MAPK10: variants seen among roughly 807,000 people sequenced by gnomAD.
MAPK10 encodes mitogen-activated protein kinase 10.
In MAPK10, 25 loss-of-function variants were observed where a neutral mutation model predicts 59.3. The observed-to-expected ratio is 0.42, with a 90% CI of 0.31 to 0.59. The LOEUF is 0.59. Among genes scored for constraint, MAPK10 ranks in the 20% least tolerant of loss-of-function variants. The pLI, the probability that MAPK10 is intolerant of heterozygous loss-of-function variation, is 0.15. For synonymous variants in MAPK10, 190 were observed against 200.5 expected, an observed-to-expected ratio of 0.95 and a Z score of 0.44; for missense variants, 351 against 568.9, an observed-to-expected ratio of 0.62 and a Z score of 3.90.
chr4:86,415,011 TCCTGTAC>T (rs1745679842), intron 1 of MAPK10, among the ~76,000 whole-genome samples: 1 of 151,784 alleles, frequency 6.6e-6, no homozygotes, highest in African/African-American at 2.4e-5. Flanking sequence ...TGTGGCATAT[TCCTGTAC>T]CCCCAGCTAC....
At chr4:86,073,331 T>A (rs1204227057) in intron 9 of MAPK10, among the ~76,000 whole-genome samples, 3 of 151,816 alleles carry the variant, frequency 2.0e-5, no homozygotes, top group African/African-American at 7.2e-5. Context: ...TTGTTGATCC[T>A]TTCAAAAAAC....
intron 9 of MAPK10, among the ~76,000 whole-genome samples, chr4:86,086,789 T>C (rs2051975827): frequency 6.6e-6 from 1 of 152,156 alleles, no homozygotes; most frequent in African/African-American, 2.4e-5. Context: ...AATAACAGAA[T>C]TTTTTAAATC....
intron 11 of MAPK10, among the ~76,000 whole-genome samples, chr4:86,052,506 C>A (rs375749642): frequency 1.1e-4 from 16 of 151,904 alleles, no homozygotes; most frequent in African/African-American, 3.9e-4. Flanking sequence ...TTTCAAAAGC[C>A]CCCAGAAGTT....
At chr4:86,111,316 G>A (rs1423098344) in intron 4 of MAPK10, among the ~76,000 whole-genome samples, 2 of 152,136 alleles carry the variant, frequency 1.3e-5, no homozygotes, top group African/African-American at 4.8e-5. Context: ...GTTTTCAGGG[G>A]GAGTGCTTCC....
At chr4:86,134,725 C>A (rs1013257852) in intron 4 of MAPK10, among the ~76,000 whole-genome samples, 5 of 152,226 alleles carry the variant, frequency 3.3e-5, no homozygotes, top group Non-Finnish European at 5.9e-5. Context: ...CAGCTCCCAG[C>A]GTGAGCGACA....
At chr4:86,458,323 C>T (rs909635682) in intron 1 of MAPK10, among the ~76,000 whole-genome samples, 20 of 150,124 alleles carry the variant, frequency 1.3e-4, no homozygotes, top group East Asian at 7.9e-4. Context: ...ACTAGCCGGG[C>T]GTGGTGGCAC....
At chr4:86,028,057 C>T (rs1751234821) in intron 13 of MAPK10, 1 of 152,216 alleles carries the variant, frequency 6.6e-6, no homozygotes, top group Non-Finnish European at 1.5e-5. Flanking sequence ...ATGTTCTGGT[C>T]ATTATAGGAA....
chr4:86,441,379 C>T (rs534391997), intron 1 of MAPK10, among the ~76,000 whole-genome samples: 73 of 152,322 alleles, frequency 4.8e-4, no homozygotes, highest in Non-Finnish European at 9.0e-4. Context: ...CACAGAGTAA[C>T]TCACGCTTCA....
At chr4:86,054,509 C>A (rs1156848464) in intron 11 of MAPK10, among the ~76,000 whole-genome samples, 1 of 152,160 alleles carries the variant, frequency 6.6e-6, no homozygotes, top group Non-Finnish European at 1.5e-5. Context: ...AAGAATACAT[C>A]AGCATGAACA....
intron 13 of MAPK10, among the ~76,000 whole-genome samples, chr4:86,023,160 T>C (rs1172574008): frequency 1.3e-5 from 2 of 152,212 alleles, no homozygotes; most frequent in Non-Finnish European, 2.9e-5. Context: ...TTTGCATGTA[T>C]ATATCCAATC....
At chr4:86,139,664 A>G (rs1344627698) in intron 4 of MAPK10, among the ~76,000 whole-genome samples, 1 of 152,204 alleles carries the variant, frequency 6.6e-6, no homozygotes, top group Non-Finnish European at 1.5e-5. Context: ...AATGGCAACA[A>G]AAGACAAAAT....
intron 2 of MAPK10, among the ~76,000 whole-genome samples, chr4:86,238,921 T>G (rs964925773): frequency 1.4e-4 from 22 of 152,200 alleles, no homozygotes; most frequent in Admixed American, 7.2e-4. Context: ...CCTTGTCTTA[T>G]ACCAGTTTCA....
intron 9 of MAPK10, among the ~76,000 whole-genome samples, chr4:86,085,089 G>A (rs2051485910): frequency 6.6e-6 from 1 of 152,054 alleles, no homozygotes; most frequent in Non-Finnish European, 1.5e-5. Context: ...CATATACAAA[G>A]ATCCAATCAA....
chr4:86,321,356 C>A (rs981865357), intron 2 of MAPK10, among the ~76,000 whole-genome samples: 21 of 151,704 alleles, frequency 1.4e-4, no homozygotes, highest in Non-Finnish European at 1.0e-4. Context: ...CAATGATAAA[C>A]TGGATTAAGA....
chr4:86,029,285 C>T lies in MAPK10; in HGVS notation c.1175-11G>A. On this transcript the variant is annotated splice_polypyrimidine_tract_variant and intron_variant, in intron 12 of 13. Coordinates refer to ENST00000641462, the MANE Select transcript of MAPK10 (RefSeq NM_138982.4). ...CCTTGTAGATAAGTTCTGTAAGAAA[C>T]AGCTGTGTTATTATAGAAAACAAAT... 1.3e-6 allele frequency: 2 copies of T among 1,555,746 alleles called. No homozygotes were observed. Among genetic ancestry groups the T allele is most frequent in the Non-Finnish European group, 1.8e-6 (2 of 1,128,114 alleles).
intron 2 of MAPK10, among the ~76,000 whole-genome samples, chr4:86,255,707 G>T (rs181624615): frequency 2.6e-5 from 4 of 151,972 alleles, no homozygotes; most frequent in Non-Finnish European, 5.9e-5. Context: ...TTATTTTTCT[G>T]GGGGATGGGG....
intron 1 of MAPK10, among the ~76,000 whole-genome samples, chr4:86,518,620 CTCTGA>C (rs946903999): frequency 1.4e-4 from 21 of 148,658 alleles, no homozygotes; most frequent in African/African-American, 5.2e-4. Flanking sequence ...TTTAGTTCTG[CTCTGA>C]TCTTTGTTTT....
chr4:86,074,989 T>C (rs1389438667), intron 9 of MAPK10, among the ~76,000 whole-genome samples: 3 of 146,436 alleles, frequency 2.0e-5, no homozygotes, highest in Non-Finnish European at 3.0e-5. Flanking sequence ...TGCAGAGTGT[T>C]TTCCAACTTG....
upstream of MAPK10, among the ~76,000 whole-genome samples, chr4:86,360,837 G>T (rs1056356774): frequency 6.6e-6 from 1 of 151,918 alleles, no homozygotes; most frequent in African/African-American, 2.4e-5. Context: ...TAGTTTCTTA[G>T]AATGACAACA....
Sources: gnomAD v4.1 joint callset for allele counts (sites outside exome capture counted in the v4.1 genomes callset) on GRCh38, gnomAD v4.1.1 for gene constraint, MANE v1.5 for transcripts, NCBI Gene and HGNC (gene_info 2026-07-23, HGNC 2026-07-21) for gene names.